DOK5: variants seen among roughly 807,000 people sequenced by gnomAD.
DOK5 encodes the protein downstream of tyrosine kinase 5.
DOK5 carries 27 observed loss-of-function variants against 43.3 expected under a neutral mutation model. That is an observed-to-expected ratio of 0.62 (90% CI 0.46 to 0.86). The LOEUF is 0.86. DOK5 is among the 40% of genes least tolerant of loss of function. DOK5 has a pLI of 0.00. For synonymous variants in DOK5, 146 were observed against 140.1 expected, an observed-to-expected ratio of 1.04 and a Z score of -0.30; for missense variants, 373 against 392.9, an observed-to-expected ratio of 0.95 and a Z score of 0.43.
At chr20:54,526,498 G>A (rs1983580593) in intron 1 of DOK5, among the ~76,000 whole-genome samples, 2 of 152,226 alleles carry the variant, frequency 1.3e-5, no homozygotes, top group African/African-American at 4.8e-5. Context: ...ATTAGGAGTT[G>A]TGATTGTCTT....
In DOK5 at chr20:54,488,647, A is replaced by G. The variant is rs370833028; in HGVS notation, c.66+12635A>G. On this transcript the variant is annotated intron_variant, in intron 1 of 7. Coordinates refer to ENST00000262593, the MANE Select transcript of DOK5 (RefSeq NM_018431.5). Reference sequence around the variant, plus strand: ...AAGAGACATAAGTTTTATCTTACATATATTATTTGCTTATGTATTTTTCCT... The same window carrying G: ...AAGAGACATAAGTTTTATCTTACATGTATTATTTGCTTATGTATTTTTCCT... Among the ~76,000 whole-genome samples, 27 of 151,844 alleles carry G rather than the reference A, an allele frequency of 1.8e-4. 1 individual carries two copies. Among genetic ancestry groups the G allele is most frequent in the African/African-American group, 6.5e-4 (27 of 41,402 alleles).
At chr20:54,495,400 T>A (rs1346794950) in intron 1 of DOK5, among the ~76,000 whole-genome samples, 1 of 152,212 alleles carries the variant, frequency 6.6e-6, no homozygotes, top group Non-Finnish European at 1.5e-5. Context: ...GTCTGTGGGA[T>A]TGATTCCACT....
chr20:54,538,240 G>T (rs1984024438), intron 1 of DOK5, among the ~76,000 whole-genome samples: 1 of 150,498 alleles, frequency 6.6e-6, no homozygotes, highest in South Asian at 2.1e-4. Flanking sequence ...CAGTTTCCAA[G>T]AACCTATTGA....
intron 2 of DOK5, among the ~76,000 whole-genome samples, chr20:54,581,952 G>A (rs1985656797): frequency 6.6e-6 from 1 of 151,740 alleles, no homozygotes; most frequent in South Asian, 2.1e-4. Flanking sequence ...GTGATAGTTG[G>A]CACCTTTTGA....
intron 1 of DOK5, among the ~76,000 whole-genome samples, chr20:54,545,649 CACTTCTGT>C (rs1379886256): frequency 1.3e-5 from 2 of 152,218 alleles, no homozygotes; most frequent in Non-Finnish European, 2.9e-5. Context: ...TGGCTTCCTG[CACTTCTGT>C]CAAAGACACT....
rs386394048 is a variant in DOK5 at position 54,646,248 on chromosome 20, G to GTTTTTTTTTTTTTTTTTTT, written c.856+2676_856+2694dup. On this transcript the variant is annotated intron_variant, in intron 7 of 7. Transcript: ENST00000262593. ...TACTGTTATATCCACTGGTTATACT[G>GTTTTTTTTTTTTTTTTTTT]TTTTTTTTTTTTTTTTTTTTTTTTG... Among the ~76,000 whole-genome samples the GTTTTTTTTTTTTTTTTTTT allele has an allele frequency of 7.5e-4, 60 of 79,924 alleles. 10 individuals carry two copies. The highest frequency in any genetic ancestry group is 1.7e-3 in the African/African-American group (32 of 18,990). The allele number at this position is 79,924 out of a possible 152,430, so 52.4% of individuals were successfully genotyped here.
chr20:54,506,095 G>A (rs1390811301), intron 1 of DOK5, among the ~76,000 whole-genome samples: 1 of 152,194 alleles, frequency 6.6e-6, no homozygotes, highest in Non-Finnish European at 1.5e-5. Flanking sequence ...TAGAGGTGGT[G>A]AGAAGCAGCC....
chr20:54,650,164 C>A (rs1979632363), intron 7 of DOK5, among the ~76,000 whole-genome samples: 1 of 152,142 alleles, frequency 6.6e-6, no homozygotes, highest in African/African-American at 2.4e-5. Flanking sequence ...GGGATTGATG[C>A]AGATGAAAAA....
intron 2 of DOK5, among the ~76,000 whole-genome samples, chr20:54,572,675 A>C (rs754774464): frequency 1.3e-5 from 2 of 152,202 alleles, no homozygotes; most frequent in Non-Finnish European, 2.9e-5. Flanking sequence ...CAAGCAACGC[A>C]GGCAGCCCCC....
intron 1 of DOK5, among the ~76,000 whole-genome samples, chr20:54,486,400 A>G (rs1458270024): frequency 6.6e-6 from 1 of 152,062 alleles, no homozygotes; most frequent in Non-Finnish European, 1.5e-5. Context: ...CTGTATTTGT[A>G]ACTATACAAT....
chr20:54,611,814 G>A (rs916671369), intron 6 of DOK5, among the ~76,000 whole-genome samples: 1 of 152,166 alleles, frequency 6.6e-6, no homozygotes, highest in Non-Finnish European at 1.5e-5. Flanking sequence ...TTAAAGAGTG[G>A]AGGGGCAAAG....
chr20:54,605,012 A>AAT (rs1555835479), intron 5 of DOK5, among the ~76,000 whole-genome samples: 34 of 116,186 alleles, frequency 2.9e-4, no homozygotes, highest in Non-Finnish European at 4.8e-4. Flanking sequence ...AAAAAAAAAA[A>AAT]ATATATATAT....
At chr20:54,500,557 A>ATTTTTTTT (rs545357915) in intron 1 of DOK5, among the ~76,000 whole-genome samples, 2 of 115,478 alleles carry the variant, frequency 1.7e-5, no homozygotes, top group African/African-American at 6.7e-5. Flanking sequence ...TACCCAGTGT[A>ATTTTTTTT]TTTTTTTTTT....
At chr20:54,639,622 G>A (rs866124564) in intron 6 of DOK5, among the ~76,000 whole-genome samples, 38 of 58,680 alleles carry the variant, frequency 6.5e-4, no homozygotes, top group African/African-American at 1.7e-3. Flanking sequence ...TATATCTATT[G>A]TAAAAAAAAA....
chr20:54,525,205 T>C (rs939668747), intron 1 of DOK5, among the ~76,000 whole-genome samples: 2 of 152,230 alleles, frequency 1.3e-5, no homozygotes, highest in Admixed American at 6.5e-5. Context: ...GAACGTGGAG[T>C]CCTGTCCTCT....
chr20:54,640,199 G>A (rs1427660859), intron 6 of DOK5, among the ~76,000 whole-genome samples: 2 of 152,236 alleles, frequency 1.3e-5, no homozygotes, highest in South Asian at 2.1e-4. Flanking sequence ...CAGTGACCCT[G>A]CCAGGAACAG....
chr20:54,578,590 A>G (rs1985531844), intron 2 of DOK5, among the ~76,000 whole-genome samples: 1 of 152,202 alleles, frequency 6.6e-6, no homozygotes, highest in Non-Finnish European at 1.5e-5. Flanking sequence ...CTAAAAATAA[A>G]TAACTCTATT....
chr20:54,575,589 C>T (rs1175586488), intron 2 of DOK5, among the ~76,000 whole-genome samples: 6 of 152,192 alleles, frequency 3.9e-5, no homozygotes, highest in East Asian at 3.9e-4. Context: ...AACAGGCACC[C>T]GCCACCATGC....
chr20:54,632,659 C>G (rs1293341692), intron 6 of DOK5, among the ~76,000 whole-genome samples: 1 of 152,168 alleles, frequency 6.6e-6, no homozygotes, highest in Non-Finnish European at 1.5e-5. Context: ...CACGTGGGCT[C>G]TTACCACCGT....
Sources: gnomAD v4.1 joint callset for allele counts (sites outside exome capture counted in the v4.1 genomes callset) on GRCh38, gnomAD v4.1.1 for gene constraint, MANE v1.5 for transcripts, NCBI Gene and HGNC (gene_info 2026-07-23, HGNC 2026-07-21) for gene names.